LAMC1: variants seen among roughly 807,000 people sequenced by gnomAD.
The protein encoded by LAMC1 is laminin subunit gamma 1.
A neutral mutation model predicts 173.6 loss-of-function variants in LAMC1; 38 were observed. That is an observed-to-expected ratio of 0.22 (90% CI 0.17 to 0.29). LAMC1 has a LOEUF of 0.29. LAMC1 is among the 10% of genes least tolerant of loss of function. LAMC1 has a pLI of 1.00. For missense variants in LAMC1, 1,824 were observed against 2,051.8 expected, an observed-to-expected ratio of 0.89 and a Z score of 2.14; for synonymous variants, 746 against 749.1, an observed-to-expected ratio of 1.00 and a Z score of 0.07.
intron 1 of LAMC1, among the ~76,000 whole-genome samples, chr1:183,077,795 T>TATATATATATATATAC (rs1458377650): frequency 1.4e-5 from 2 of 147,230 alleles, no homozygotes; most frequent in African/African-American, 4.9e-5. Flanking sequence ...TATATATATA[T>TATATATATATATATAC]ACAGTAGCAC....
At chr1:183,058,219 T>C (rs1296796238) in intron 1 of LAMC1, among the ~76,000 whole-genome samples, 5 of 152,244 alleles carry the variant, frequency 3.3e-5, no homozygotes, top group Non-Finnish European at 4.4e-5. Context: ...GCCTGCTGAC[T>C]TGTGTAGTTG....
intron 15 of LAMC1, 48 bp from the exon 16 acceptor site, chr1:183,126,072 T>C: frequency 6.3e-7 from 1 of 1,578,398 alleles, no homozygotes; most frequent in Non-Finnish European, 8.6e-7. Context: ...AAAGTTGTGC[T>C]TAAAGTCTGT....
chr1:183,106,141 ATTCAAAACCTGCAGG>A (rs1270392155), intron 2 of LAMC1, among the ~76,000 whole-genome samples: 9 of 152,304 alleles, frequency 5.9e-5, no homozygotes, highest in African/African-American at 1.9e-4. Context: ...CAGAACTGGA[ATTCAAAACCTGCAGG>A]GTCTAGCTCC....
chr1:183,128,396 T>A (rs1373044313), intron 17 of LAMC1, among the ~76,000 whole-genome samples, 198 bp from the exon 18 acceptor site: 1 of 151,472 alleles, frequency 6.6e-6, no homozygotes, highest in East Asian at 1.9e-4. Context: ...CACACCAACA[T>A]GGCACATGTA....
At chr1:183,123,148 C>T (rs1656526975) in intron 13 of LAMC1, among the ~76,000 whole-genome samples, 1 of 152,190 alleles carries the variant, frequency 6.6e-6, no homozygotes, top group African/African-American at 2.4e-5. Flanking sequence ...CTGCCATTAG[C>T]CTAGTTGCTC....
At chr1:183,053,273 T>A (rs1654483685) in intron 1 of LAMC1, among the ~76,000 whole-genome samples, 1 of 152,226 alleles carries the variant, frequency 6.6e-6, no homozygotes, top group Non-Finnish European at 1.5e-5. Context: ...GAAATATATT[T>A]TGTATTGCCA....
At chr1:183,080,388 G>A (rs1373715015) in intron 1 of LAMC1, among the ~76,000 whole-genome samples, 2 of 152,136 alleles carry the variant, frequency 1.3e-5, no homozygotes, top group East Asian at 3.9e-4. Flanking sequence ...ATATACATGT[G>A]CAAAACTTGG....
rs552463969 is a variant in LAMC1 at position 183,098,978 on chromosome 1, G to A, written c.419-4350G>A. Among the ~76,000 whole-genome samples, 3 of 152,248 alleles carry A rather than the reference G, an allele frequency of 2.0e-5. No homozygotes were observed. The South Asian group carries it at 6.2e-4, about 32-fold the overall frequency. On this transcript the variant is annotated intron_variant, in intron 1 of 27. Coordinates refer to ENST00000258341, the MANE Select transcript of LAMC1 (RefSeq NM_002293.4). ...AAAAGAAAAGTCTTTCCTTGGCCCT[G>A]TAACCCTTCCAAATATCATCTTCCC...
At chr1:183,103,851 T>C (rs915585955) in intron 2 of LAMC1, among the ~76,000 whole-genome samples, 2 of 152,206 alleles carry the variant, frequency 1.3e-5, no homozygotes, top group African/African-American at 4.8e-5. Context: ...TTTGTTCTTA[T>C]GCACTTGCAG....
At chr1:183,051,974 A>G (rs933771184) in intron 1 of LAMC1, among the ~76,000 whole-genome samples, 5 of 152,114 alleles carry the variant, frequency 3.3e-5, no homozygotes, top group African/African-American at 1.2e-4. Context: ...AAAACAAGCT[A>G]TGTTCATATT....
In LAMC1 at chr1:183,070,253, C is replaced by CA. The variant is rs527973434; in HGVS notation, c.419-33073dup. On this transcript the variant is annotated intron_variant, in intron 1 of 27. Coordinates refer to ENST00000258341, the MANE Select transcript of LAMC1 (RefSeq NM_002293.4). ...CTGGGCCTGTTTCCTCACCTATAAA[C>CA]AAGGTAGTTAGGCTTGAGAACTCCT... is the stretch of plus-strand genomic sequence containing the variant. 2.0e-5 allele frequency among the ~76,000 whole-genome samples: 3 copies of CA among 152,310 alleles called. No individual in the cohort carries two copies. The East Asian group carries it at 5.8e-4, about 29-fold the overall frequency.
chr1:183,076,352 T>C (rs1014554942), intron 1 of LAMC1, among the ~76,000 whole-genome samples: 1 of 152,216 alleles, frequency 6.6e-6, no homozygotes, highest in African/African-American at 2.4e-5. Context: ...TTTTGTCTAA[T>C]TGAGATTTGT....
In LAMC1 at chr1:183,070,465, C is replaced by T. The variant is rs868410396; in HGVS notation, c.419-32863C>T. On this transcript the variant is annotated intron_variant, in intron 1 of 27. Transcript: ENST00000258341. The stretch of plus-strand genomic sequence containing the variant: ...ATGCCCAGATGTTCCTGGGATACTT[C>T]CAGTTTTGTGGGTGATGGTAATGTC... 3.3e-5 allele frequency among the ~76,000 whole-genome samples: 5 copies of T among 152,152 alleles called. No individual in the cohort carries two copies. The South Asian group carries it at 1.0e-3, about 32-fold the overall frequency.
intron 1 of LAMC1, among the ~76,000 whole-genome samples, chr1:183,065,294 T>C (rs541032380): frequency 6.6e-6 from 1 of 152,250 alleles, no homozygotes; most frequent in East Asian, 1.9e-4. Context: ...AGAGACTGTA[T>C]ATATATAGAA....
intron 21 of LAMC1, 81 bp downstream of exon 21, chr1:183,132,618 G>A: frequency 9.3e-7 from 1 of 1,072,232 alleles, no homozygotes; most frequent in Non-Finnish European, 1.4e-6. Flanking sequence ...TTAAATGCTG[G>A]TGCATTCAGG....
intron 1 of LAMC1, among the ~76,000 whole-genome samples, chr1:183,068,940 C>CA (rs562664811): frequency 2.5e-4 from 36 of 146,136 alleles, no homozygotes; most frequent in Admixed American, 5.4e-4. Flanking sequence ...GACTCCATCT[C>CA]AAAAAAAAAA....
chr1:183,042,656 G>A (rs1219775102), intron 1 of LAMC1, among the ~76,000 whole-genome samples: 5 of 152,176 alleles, frequency 3.3e-5, no homozygotes, highest in African/African-American at 1.2e-4. Context: ...TAGGGACCAC[G>A]CTCACTGTGG....
intron 18 of LAMC1, among the ~76,000 whole-genome samples, chr1:183,129,006 G>A (rs763748600): frequency 2.0e-5 from 3 of 150,282 alleles, no homozygotes; most frequent in South Asian, 2.1e-4. Flanking sequence ...AGCATTTTAT[G>A]AATCTGTTCT....
chr1:183,076,607 A>C (rs982311036), intron 1 of LAMC1, among the ~76,000 whole-genome samples: 5 of 152,266 alleles, frequency 3.3e-5, no homozygotes, highest in African/African-American at 9.6e-5. Context: ...TCCCCCTCAC[A>C]CCAGCATATC....
Sources: gnomAD v4.1 joint callset for allele counts (sites outside exome capture counted in the v4.1 genomes callset) on GRCh38, gnomAD v4.1.1 for gene constraint, MANE v1.5 for transcripts, NCBI Gene and HGNC (gene_info 2026-07-23, HGNC 2026-07-21) for gene names.